TRIM2: variants seen among roughly 807,000 people sequenced by gnomAD.
TRIM2 encodes the protein tripartite motif containing 2.
Under a neutral mutation model 75.2 loss-of-function variants are expected in TRIM2, and 20 were observed. That is an observed-to-expected ratio of 0.27 (90% CI 0.19 to 0.39). TRIM2 has a LOEUF of 0.39. Among genes scored for constraint, TRIM2 ranks in the 10% least tolerant of loss-of-function variants. The pLI is 1.00. For synonymous variants in TRIM2, 373 were observed against 388.3 expected, an observed-to-expected ratio of 0.96 and a Z score of 0.46; for missense variants, 660 against 990.8, an observed-to-expected ratio of 0.67 and a Z score of 4.48.
intron 1 of TRIM2, among the ~76,000 whole-genome samples, chr4:153,193,709 A>G (rs1337614949): frequency 6.6e-6 from 1 of 152,146 alleles, no homozygotes; most frequent in African/African-American, 2.4e-5. Flanking sequence ...GTCTGCTCTC[A>G]AACACTACCA....
At chr4:153,265,106 A>G (rs1187699159) in intron 1 of TRIM2, among the ~76,000 whole-genome samples, 2 of 152,050 alleles carry the variant, frequency 1.3e-5, no homozygotes, top group Non-Finnish European at 2.9e-5. Flanking sequence ...TAGTCAACGT[A>G]TATCATTTGA....
intron 1 of TRIM2, among the ~76,000 whole-genome samples, chr4:153,262,973 C>T (rs1416988873): frequency 2.6e-5 from 4 of 152,262 alleles, no homozygotes; most frequent in Admixed American, 2.6e-4. Flanking sequence ...CATCTATGAA[C>T]ATGTTAAAAT....
At chr4:153,334,792 C>G in intron 11 of TRIM2, 22 bp from the exon 12 acceptor site, 1 of 1,594,532 alleles carries the variant, frequency 6.3e-7, no homozygotes, top group Non-Finnish European at 8.6e-7. Context: ...CTATAACATT[C>G]TGACTTCCTA....
intron 6 of TRIM2, among the ~76,000 whole-genome samples, chr4:153,313,576 A>G (rs1176396234): frequency 6.6e-6 from 1 of 150,848 alleles, no homozygotes; most frequent in Non-Finnish European, 1.5e-5. Flanking sequence ...ATCCTTGTCT[A>G]CCCTTTCCTA....
At chr4:153,257,705 G>T in intron 1 of TRIM2, 1 of 797,242 alleles carries the variant, frequency 1.3e-6, no homozygotes, top group Non-Finnish European at 1.9e-6. Context: ...TAGCTGCAGC[G>T]ACAGACTTGG....
chr4:153,213,338 A>G (rs926919133), intron 1 of TRIM2, among the ~76,000 whole-genome samples: 8 of 152,068 alleles, frequency 5.3e-5, no homozygotes, highest in Non-Finnish European at 1.2e-4. Context: ...TCATGCTTCT[A>G]TTTCTGTTCA....
chr4:153,264,847 C>A (rs544150904), intron 1 of TRIM2, among the ~76,000 whole-genome samples: 3 of 152,118 alleles, frequency 2.0e-5, no homozygotes, highest in Admixed American at 6.5e-5. Flanking sequence ...GGATTGGAAA[C>A]CTTTTGTGTC....
At chr4:153,244,355 C>CTTCTTCCTCTTCTTCT (rs1748079616) in intron 1 of TRIM2, among the ~76,000 whole-genome samples, 1 of 12,698 alleles carries the variant, frequency 7.9e-5, no homozygotes, top group Non-Finnish European at 1.3e-4. Context: ...CTTCTTCTTC[C>CTTCTTCCTCTTCTTCT]TCTTCTTCTT....
chr4:153,276,828 C>T (rs188673017), intron 3 of TRIM2, among the ~76,000 whole-genome samples: 38 of 152,104 alleles, frequency 2.5e-4, no homozygotes, highest in Middle Eastern at 3.2e-3. Context: ...AAACTCTCTG[C>T]GTCTCATTTC....
upstream of TRIM2, among the ~76,000 whole-genome samples, chr4:153,200,145 T>A (rs11732421): frequency 0.37 from 56,534 of 151,866 alleles, 10,757 homozygotes; most frequent in Non-Finnish European, 0.4. Context: ...TTCTCCATGT[T>A]GGCCAGGTTG....
In TRIM2 at chr4:153,244,369, C is replaced by G. The variant is rs1560874510; in HGVS notation, c.31-25966C>G. 6.1e-5 allele frequency among the ~76,000 whole-genome samples: 3 copies of G among 49,082 alleles called. No individual in the cohort carries two copies. In the South Asian group the frequency reaches 2.3e-3, roughly 37 times the overall value. The allele number at this position is 49,082 out of a possible 152,430, so 32.2% of individuals were successfully genotyped here. A position where few individuals can be genotyped will look rare whatever the true frequency, so the allele number is the denominator to read the frequency against. ...TCTTCTTCTTCCTCTTCTTCTTCTT[C>G]TTCTTCTTCTTCTTCTTCTTCTTCT... On this transcript the variant is annotated intron_variant, in intron 1 of 11. Transcript: ENST00000338700.
At chr4:153,184,129 G>A (rs1732351543) in intron 1 of TRIM2, among the ~76,000 whole-genome samples, 1 of 152,138 alleles carries the variant, frequency 6.6e-6, no homozygotes, top group African/African-American at 2.4e-5. Flanking sequence ...AGCTCATGGG[G>A]GAGACAGGGT....
chr4:153,204,430 C>A, upstream of TRIM2: 1 of 1,396,668 alleles, frequency 7.2e-7, no homozygotes, highest in Non-Finnish European at 9.9e-7. Context: ...TAGTAAGGGC[C>A]ACCCTTTAAC....
At chr4:153,213,717 G>A (rs1039555925) in intron 1 of TRIM2, among the ~76,000 whole-genome samples, 10 of 152,022 alleles carry the variant, frequency 6.6e-5, no homozygotes, top group African/African-American at 1.9e-4. Context: ...TAGTAGAGAC[G>A]GGTTTCACCA....
At chr4:153,309,188 G>A (rs1398441292) in intron 6 of TRIM2, among the ~76,000 whole-genome samples, 1 of 152,200 alleles carries the variant, frequency 6.6e-6, no homozygotes, top group Non-Finnish European at 1.5e-5. Flanking sequence ...CATGATTCAT[G>A]TGAGCCCAAA....
intron 1 of TRIM2, among the ~76,000 whole-genome samples, chr4:153,244,253 T>TTCCTCCTCCTCCTCCCCCTCCTCCTCC: frequency 4.9e-5 from 1 of 20,258 alleles, no homozygotes; most frequent in African/African-American, 2.7e-4. Flanking sequence ...TTCCTCTTCT[T>TTCCTCCTCCTCCTCCCCCTCCTCCTCC]TCCTCCTCCT....
chr4:153,278,452 A>G (rs896319567), intron 3 of TRIM2, among the ~76,000 whole-genome samples: 6 of 152,152 alleles, frequency 3.9e-5, no homozygotes, highest in Non-Finnish European at 5.9e-5. Flanking sequence ...CTCATTCTAC[A>G]TGACAGCCCC....
At chr4:153,206,020 G>A (rs983520944) in intron 1 of TRIM2, among the ~76,000 whole-genome samples, 2 of 152,216 alleles carry the variant, frequency 1.3e-5, no homozygotes, top group African/African-American at 2.4e-5. Flanking sequence ...GTGGGGTGGA[G>A]GCTCCAAAGG....
At chr4:153,321,830 C>G (rs911516753) in intron 8 of TRIM2, among the ~76,000 whole-genome samples, 1 of 152,192 alleles carries the variant, frequency 6.6e-6, no homozygotes, top group Non-Finnish European at 1.5e-5. Context: ...ACAGTAAACC[C>G]TTTACCTACC....
Sources: gnomAD v4.1 joint callset for allele counts (sites outside exome capture counted in the v4.1 genomes callset) on GRCh38, gnomAD v4.1.1 for gene constraint, MANE v1.5 for transcripts, NCBI Gene and HGNC (gene_info 2026-07-23, HGNC 2026-07-21) for gene names.